Variants in GLMN observed in about 807,000 individuals in gnomAD.
The protein encoded by GLMN is glomulin.
A neutral mutation model predicts 87.8 loss-of-function variants in GLMN; 75 were observed. The ratio of observed to expected loss-of-function variants is 0.85; its 90% confidence interval spans 0.71 to 1.04. The LOEUF is 1.04. GLMN is among the 50% of genes least tolerant of loss of function. The pLI is 0.00. For synonymous variants in GLMN, 206 were observed against 221.6 expected, an observed-to-expected ratio of 0.93 and a Z score of 0.63; for missense variants, 588 against 658.8, an observed-to-expected ratio of 0.89 and a Z score of 1.18.
intron 7 of GLMN, among the ~76,000 whole-genome samples, chr1:92,278,543 G>C (rs1266261010): frequency 3.9e-5 from 6 of 151,912 alleles, no homozygotes; most frequent in Non-Finnish European, 7.4e-5. Flanking sequence ...ATTAAAATTG[G>C]CTCTCATCTG....
chr1:92,357,323 T>C, the GLMN span, among the ~76,000 whole-genome samples: 1 of 152,130 alleles, frequency 6.6e-6, no homozygotes, highest in African/African-American at 2.4e-5. Flanking sequence ...CAAAATATTG[T>C]TGGGATTCAT....
chr1:92,272,593 G>A (rs1026408121), intron 7 of GLMN, among the ~76,000 whole-genome samples: 4 of 152,182 alleles, frequency 2.6e-5, no homozygotes, highest in African/African-American at 9.7e-5. Context: ...CAACTAAGAT[G>A]AAGAATACTC....
chr1:92,279,094 C>CATTTGGT (rs61406921), intron 7 of GLMN, among the ~76,000 whole-genome samples: 1 of 151,678 alleles, frequency 6.6e-6, no homozygotes, highest in Non-Finnish European at 1.5e-5. Context: ...CTGTCTCTTG[C>CATTTGGT]ATGTCCTAAC....
chr1:92,344,020 T>C, the GLMN span, among the ~76,000 whole-genome samples: 1 of 152,240 alleles, frequency 6.6e-6, no homozygotes, highest in Non-Finnish European at 1.5e-5. Flanking sequence ...AAGCAACTGC[T>C]ACTGTGAAGT....
chr1:92,289,463 A>G (rs1413088444), intron 5 of GLMN, among the ~76,000 whole-genome samples: 2 of 152,184 alleles, frequency 1.3e-5, no homozygotes, highest in African/African-American at 4.8e-5. Flanking sequence ...AGTGTATTGT[A>G]AACTATAAAG....
intron 4 of GLMN, among the ~76,000 whole-genome samples, chr1:92,290,834 TTATAA>T (rs1195526187): frequency 6.6e-6 from 1 of 152,226 alleles, no homozygotes. Context: ...AAACAGTTTC[TTATAA>T]TATACTTTTT....
chr1:92,330,397 C>A, the GLMN span, among the ~76,000 whole-genome samples: 6 of 146,844 alleles, frequency 4.1e-5, no homozygotes, highest in Admixed American at 2.7e-4. Flanking sequence ...GAAGATCACT[C>A]ATTGAACTAT....
chr1:92,361,102 TAC>T, the GLMN span, among the ~76,000 whole-genome samples: 6 of 85,986 alleles, frequency 7.0e-5, no homozygotes, highest in Admixed American at 2.9e-4. Context: ...AATATATATA[TAC>T]ACACACACAC....
the GLMN span, among the ~76,000 whole-genome samples, chr1:92,341,562 A>C: frequency 5.9e-5 from 9 of 152,234 alleles, no homozygotes; most frequent in Admixed American, 2.6e-4. Context: ...TACAGCAGAC[A>C]CTCTAAATAC....
the GLMN span, among the ~76,000 whole-genome samples, chr1:92,351,830 G>A: frequency 6.6e-6 from 1 of 152,114 alleles, no homozygotes; most frequent in African/African-American, 2.4e-5. Flanking sequence ...TACTTAAAAT[G>A]TAACTTTTCC....
chr1:92,357,468 C>T, the GLMN span, among the ~76,000 whole-genome samples: 1 of 152,066 alleles, frequency 6.6e-6, no homozygotes, highest in Non-Finnish European at 1.5e-5. Context: ...TAGGAAGTAC[C>T]TATAGCGTGA....
intron 1 of GLMN, among the ~76,000 whole-genome samples, chr1:92,298,525 G>C (rs1251343757): frequency 6.6e-6 from 1 of 152,094 alleles, no homozygotes; most frequent in East Asian, 1.9e-4. Flanking sequence ...TATCTATAGG[G>C]GGTGAAGATT....
chr1:92,256,765 A>C (rs1195164731), intron 16 of GLMN, among the ~76,000 whole-genome samples: 1 of 152,206 alleles, frequency 6.6e-6, no homozygotes, highest in Non-Finnish European at 1.5e-5. Context: ...CAAAATAATA[A>C]GAGCTATTTA....
At chr1:92,293,673 A>G (rs1649689650) in intron 3 of GLMN, among the ~76,000 whole-genome samples, 2 of 152,204 alleles carry the variant, frequency 1.3e-5, no homozygotes, top group African/African-American at 4.8e-5. Context: ...TCATTGCAGC[A>G]CTATTTACAA....
At chr1:92,346,524 C>T in the GLMN span, among the ~76,000 whole-genome samples, 23 of 152,166 alleles carry the variant, frequency 1.5e-4, no homozygotes, top group Non-Finnish European at 2.8e-4. Context: ...ATAGTCTTTT[C>T]GTTTCATTTT....
At chr1:92,350,985 A>G in the GLMN span, among the ~76,000 whole-genome samples, 1 of 152,000 alleles carries the variant, frequency 6.6e-6, no homozygotes, top group Admixed American at 6.6e-5. Flanking sequence ...TCTACTGTGT[A>G]AAGCTTATTA....
At chr1:92,265,185 A>G (rs945970065) in intron 13 of GLMN, among the ~76,000 whole-genome samples, 1 of 152,196 alleles carries the variant, frequency 6.6e-6, no homozygotes, top group Non-Finnish European at 1.5e-5. Context: ...AGCCATTTCT[A>G]TCAAACCAAA....
chr1:92,312,176 C>G, the GLMN span, among the ~76,000 whole-genome samples: 1 of 152,144 alleles, frequency 6.6e-6, no homozygotes, highest in Non-Finnish European at 1.5e-5. Context: ...TGTTGCGGGG[C>G]AAGGCAGGAG....
At chr1:92,321,473 T>C in the GLMN span, among the ~76,000 whole-genome samples, 1 of 151,866 alleles carries the variant, frequency 6.6e-6, no homozygotes, top group African/African-American at 2.4e-5. Context: ...TATATATATA[T>C]ATATTTTTTT....
Sources: gnomAD v4.1 joint callset for allele counts (sites outside exome capture counted in the v4.1 genomes callset) on GRCh38, gnomAD v4.1.1 for gene constraint, MANE v1.5 for transcripts, NCBI Gene and HGNC (gene_info 2026-07-23, HGNC 2026-07-21) for gene names.